Variants in SCNN1A observed in about 807,000 individuals in gnomAD.
SCNN1A encodes epithelial sodium channel subunit alpha.
In SCNN1A, 65 loss-of-function variants were observed where a neutral mutation model predicts 68.6. The observed-to-expected ratio is 0.95, with a 90% CI of 0.78 to 1.16. The LOEUF (loss-of-function observed/expected upper bound fraction) is 1.16. Ranked by LOEUF, SCNN1A falls within the 50% of genes most tolerant of loss-of-function variation. SCNN1A has a pLI of 0.00. For synonymous variants in SCNN1A, 357 were observed against 353.3 expected (o/e 1.01, Z -0.12); for missense variants, 880 against 865.9 (o/e 1.02, Z -0.20).
chr12:6,354,100 G>A (rs985805700), intron 8 of SCNN1A, among the ~76,000 whole-genome samples: 4 of 151,764 alleles, frequency 2.6e-5, no homozygotes, highest in Non-Finnish European at 5.9e-5. Context: ...GCGTGGTGGC[G>A]GGTGCCTGTA....
upstream of SCNN1A, chr12:6,377,257 T>A: frequency 6.4e-7 from 1 of 1,551,112 alleles, no homozygotes; most frequent in Non-Finnish European, 8.7e-7. Context: ...CTTACCTTGA[T>A]ACTGCTCATG....
At chr12:6,377,286 G>C (rs771754297), upstream of SCNN1A, 18 of 1,549,754 alleles carry the variant, frequency 1.2e-5, no homozygotes, top group South Asian at 2.1e-4. Flanking sequence ...CCTTGGAAGG[G>C]ACAGCTGGAT....
intron 8 of SCNN1A, among the ~76,000 whole-genome samples, chr12:6,352,128 A>G (rs1377730085): frequency 9.2e-5 from 14 of 152,176 alleles, no homozygotes; most frequent in African/African-American, 3.1e-4. Flanking sequence ...CAACTCTGGG[A>G]CTATACTTAA....
At position 6,349,058 on chromosome 12, in the gene SCNN1A, C is replaced by A. The variant is rs117888764; in HGVS notation, c.1498-53G>T. 1.4e-5 allele frequency: 23 copies of A among 1,608,280 alleles called. No homozygotes were observed. In the East Asian group the frequency reaches 5.1e-4, roughly 36 times the overall value. On this transcript the variant is annotated intron_variant, in intron 10 of 12. Coordinates refer to ENST00000228916, the MANE Select transcript of SCNN1A (RefSeq NM_001038.6). ...GTCACTCCCATATGCTTCAGGCTTA[C>A]AGGGATAGGGTTGTGTCAAACACAC...
At chr12:6,368,206 G>GC (rs1237892587) in intron 2 of SCNN1A, among the ~76,000 whole-genome samples, 1 of 152,160 alleles carries the variant, frequency 6.6e-6, no homozygotes, top group Non-Finnish European at 1.5e-5. Context: ...CGAATCGAGT[G>GC]CCCCCCGCCC....
chr12:6,347,880 C>A lies in SCNN1A; in HGVS notation c.2003G>T (p.Gly668Val), dbSNP rs1055874505. 1.2e-5 allele frequency: 20 copies of A among 1,601,708 alleles called. No individual in the cohort carries two copies. The highest frequency in any genetic ancestry group is 1.0e-4 in the Admixed American group (6 of 58,932). Residue 668 changes from glycine to valine, a missense_variant, in exon 13 of 13, where the codon GGG (glycine) becomes GTG (valine). Physicochemically the swap from Gly to Val is moderately radical, Grantham distance 109. Transcript: ENST00000228916. ...GAAACCTCTCCTTCCCTCTCAGGGC[C>A]CCCCCAGAGGACAGGTGGAGGAACT... ...GASSSTCPLG[G>V]P
upstream of SCNN1A, chr12:6,377,332 C>T: frequency 7.1e-7 from 1 of 1,398,870 alleles, no homozygotes. Flanking sequence ...ACTGACCCTT[C>T]CCAAGGATAA....
chr12:6,374,305 T>C lies in SCNN1A; in HGVS notation c.416+63A>G. 1 of 1,573,018 alleles carries C rather than the reference T, an allele frequency of 6.4e-7. No homozygotes were observed. Among genetic ancestry groups the C allele is most frequent in the African/African-American group, 1.3e-5 (1 of 74,244 alleles). On this transcript the variant is annotated intron_variant, in intron 2 of 12. Transcript: ENST00000228916. This position sits in a 1 kb window ranked among gnomAD's most constrained non-coding sequence, Gnocchi z 6.2. Reference sequence around the variant, plus strand: ...AGGCTCTGCCTGCCCAGTGAGCACCTCAGCACCCTGGACCACCCTTCCAGG... The same window carrying C: ...AGGCTCTGCCTGCCCAGTGAGCACCCCAGCACCCTGGACCACCCTTCCAGG...
Position 6,374,284 on chromosome 12 carries a change from T to C in SCNN1A, c.416+84A>G. On this transcript the variant is annotated intron_variant, in intron 2 of 12. Transcript: ENST00000228916. The surrounding 1 kb of genome is among the most constrained non-coding windows in gnomAD (Gnocchi z 6.2). ...CAGTTCCCACCCTCAGGTCTGAGGC[T>C]CTGCCTGCCCAGTGAGCACCTCAGC... 6.9e-7 allele frequency: 1 copy of C among 1,447,076 alleles called. No homozygotes were observed. Among genetic ancestry groups the C allele is most frequent in the Non-Finnish European group, 9.5e-7 (1 of 1,054,050 alleles). The allele number at this position is 1,447,076 out of a possible 1,614,324, so 89.6% of individuals were successfully genotyped here.
intron 4 of SCNN1A, among the ~76,000 whole-genome samples, chr12:6,361,277 C>T (rs941185342): frequency 3.9e-5 from 6 of 152,196 alleles, no homozygotes; most frequent in Non-Finnish European, 8.8e-5. Context: ...TCCAGAGTCA[C>T]CTGGCCAGGA....
intron 8 of SCNN1A, among the ~76,000 whole-genome samples, chr12:6,352,568 G>A (rs1304196902): frequency 6.6e-6 from 1 of 152,156 alleles, no homozygotes; most frequent in Non-Finnish European, 1.5e-5. Flanking sequence ...TTATTTGAGG[G>A]GAGGGAGAAA....
rs1400326355 is a variant in SCNN1A at position 6,363,514 on chromosome 12, T to A, written c.613A>T (p.Ser205Cys). The A allele has an allele frequency of 4.4e-6, 7 of 1,609,136 alleles. No homozygotes were observed. Among genetic ancestry groups the A allele is most frequent in the Middle Eastern group, 1.8e-4 (1 of 5,710 alleles). The change falls in exon 3 of 13, where the codon AGC becomes TGC. Residue 205 changes from serine to cysteine, a missense_variant. Coordinates refer to ENST00000228916, the MANE Select transcript of SCNN1A (RefSeq NM_001038.6). ...PPPHGARRAR[S>C]VASSLRDNNP... Reference sequence around the variant, plus strand: ...TTGTCCCGCAAGCTGGAGGCCACGCTACGGGCTCGACGGGCCCCGTGAGGC... The same window carrying A: ...TTGTCCCGCAAGCTGGAGGCCACGCAACGGGCTCGACGGGCCCCGTGAGGC...
chr12:6,367,535 A>T (rs531032328), intron 2 of SCNN1A, among the ~76,000 whole-genome samples: 1 of 152,234 alleles, frequency 6.6e-6, no homozygotes, highest in Non-Finnish European at 1.5e-5. Context: ...AAGAAAATAC[A>T]TACTGTATGA....
intron 12 of SCNN1A, 55 bp from the exon 13 acceptor site, chr12:6,348,308 G>A: frequency 6.2e-7 from 1 of 1,611,970 alleles, no homozygotes; most frequent in African/African-American, 1.3e-5. Flanking sequence ...ATGGACTCTG[G>A]CAGAGGAGCC....
intron 2 of SCNN1A, among the ~76,000 whole-genome samples, chr12:6,369,943 C>G (rs1448865473): frequency 6.6e-6 from 1 of 152,052 alleles, no homozygotes; most frequent in East Asian, 1.9e-4. Context: ...AGAGAATTGA[C>G]CACTAAACAG....
intron 4 of SCNN1A, 21 bp from the exon 5 acceptor site, chr12:6,355,901 A>G (rs2136868938): frequency 6.9e-7 from 1 of 1,440,970 alleles, no homozygotes; most frequent in Non-Finnish European, 9.8e-7. Flanking sequence ...AAGAGAGAGT[A>G]GGGTCAGAGA....
chr12:6,364,202 A>G (rs1948636920), intron 2 of SCNN1A: 1 of 152,744 alleles, frequency 6.5e-6, no homozygotes, highest in Admixed American at 6.5e-5. Flanking sequence ...CAACTCTAAA[A>G]ATACAGGATG....
At chr12:6,356,228 CTGCCTTG>C in intron 4 of SCNN1A, 1 of 369,542 alleles carries the variant, frequency 2.7e-6, no homozygotes, top group Non-Finnish European at 5.2e-6. Context: ...GACTTCCGTG[CTGCCTTG>C]TAACTTCTCT....
chr12:6,348,285 C>G, intron 12 of SCNN1A, 32 bp from the exon 13 acceptor site: 1 of 1,613,576 alleles, frequency 6.2e-7, no homozygotes, highest in Non-Finnish European at 8.5e-7. Flanking sequence ...GACGATGGGA[C>G]AGAGGGTTCT....
Sources: gnomAD v4.1 joint callset for allele counts (sites outside exome capture counted in the v4.1 genomes callset) on GRCh38, gnomAD v4.1.1 for gene constraint, Gnocchi (gnomAD v3.1) non-coding constraint, MANE v1.5 for transcripts, NCBI Gene and HGNC (gene_info 2026-07-23, HGNC 2026-07-21) for gene names.